AUTS2: variants seen among roughly 807,000 people sequenced by gnomAD.
The protein encoded by AUTS2 is autism susceptibility gene 2 protein.
AUTS2 carries 17 observed loss-of-function variants against 112.4 expected under a neutral mutation model. The ratio of observed to expected loss-of-function variants is 0.15; its 90% CI spans 0.10 to 0.23. The LOEUF (loss-of-function observed/expected upper bound fraction) is 0.23. Among genes scored for constraint, AUTS2 ranks in the 10% least tolerant of loss-of-function variants. AUTS2 has a pLI of 1.00. For missense variants in AUTS2, 1,510 were observed against 1,701.6 expected (o/e 0.89, Z 1.98); for synonymous variants, 751 against 702.7 (o/e 1.07, Z -1.09).
chr7:70,559,798 A>C (rs1801403082), intron 5 of AUTS2, among the ~76,000 whole-genome samples: 1 of 151,910 alleles, frequency 6.6e-6, no homozygotes, highest in African/African-American at 2.4e-5. Flanking sequence ...TCTTTCCTTT[A>C]TCCACCTCTG....
chr7:70,116,877 G>A (rs1184335471), intron 2 of AUTS2, among the ~76,000 whole-genome samples: 1 of 151,986 alleles, frequency 6.6e-6, no homozygotes, highest in Non-Finnish European at 1.5e-5. Context: ...TTGTTATATT[G>A]GAAACATTGT....
At chr7:70,419,811 T>A (rs1795140499) in intron 4 of AUTS2, among the ~76,000 whole-genome samples, 1 of 152,222 alleles carries the variant, frequency 6.6e-6, no homozygotes, top group Admixed American at 6.5e-5. Flanking sequence ...CTAATTTGAT[T>A]GATGAAGAGA....
intron 5 of AUTS2, among the ~76,000 whole-genome samples, chr7:70,595,925 G>C (rs948067648): frequency 1.3e-5 from 2 of 152,088 alleles, no homozygotes; most frequent in Non-Finnish European, 2.9e-5. Flanking sequence ...CCCGTGCCTT[G>C]CCGGGATGGC....
intron 1 of AUTS2, among the ~76,000 whole-genome samples, chr7:69,878,277 G>A (rs1200956361): frequency 2.0e-5 from 3 of 152,122 alleles, no homozygotes; most frequent in African/African-American, 7.2e-5. Flanking sequence ...TAAGGTGGAG[G>A]GAGCGGGGAG....
At chr7:69,737,401 G>A (rs1787079682) in intron 1 of AUTS2, among the ~76,000 whole-genome samples, 1 of 152,120 alleles carries the variant, frequency 6.6e-6, no homozygotes, top group Admixed American at 6.5e-5. Context: ...AGAGAGGTTA[G>A]ATAACTTGCT....
At chr7:70,141,836 C>T (rs1806881198) in intron 4 of AUTS2, among the ~76,000 whole-genome samples, 1 of 152,172 alleles carries the variant, frequency 6.6e-6, no homozygotes, top group Non-Finnish European at 1.5e-5. Flanking sequence ...ATGAACAGTA[C>T]AAGTTAAACT....
intron 6 of AUTS2, among the ~76,000 whole-genome samples, chr7:70,762,004 C>T (rs1789593814): frequency 1.3e-5 from 2 of 152,094 alleles, no homozygotes; most frequent in South Asian, 4.2e-4. Context: ...AAGAGACCTG[C>T]CTTTTCACTT....
intron 4 of AUTS2, among the ~76,000 whole-genome samples, chr7:70,384,663 TG>T (rs1265448028): frequency 6.6e-6 from 1 of 152,216 alleles, no homozygotes; most frequent in East Asian, 1.9e-4. Context: ...TGCTCTGGAC[TG>T]CTGGCAAAAG....
At chr7:69,949,546 T>TAA (rs1273628427) in intron 2 of AUTS2, among the ~76,000 whole-genome samples, 2 of 152,252 alleles carry the variant, frequency 1.3e-5, no homozygotes, top group Non-Finnish European at 2.9e-5. Flanking sequence ...TAAACTACAT[T>TAA]AAAAGATTTA....
At chr7:69,925,289 G>C (rs1795965164) in intron 2 of AUTS2, among the ~76,000 whole-genome samples, 1 of 151,882 alleles carries the variant, frequency 6.6e-6, no homozygotes, top group Non-Finnish European at 1.5e-5. Context: ...GCTTACTTTA[G>C]TTTTACTTTG....
chr7:69,599,528 C>A lies in AUTS2; in HGVS notation c.-126C>A. ...TCCCTTCTTTCGGCCGCCGTCTCCC[C>A]CGCGCCCTCCTCGGGGCGGAGGGAA... On this transcript the variant is annotated 5_prime_UTR_variant, in exon 1 of 19. Coordinates refer to ENST00000342771, the MANE Select transcript of AUTS2 (RefSeq NM_015570.4). The surrounding 1 kb of genome is among the most constrained non-coding windows in gnomAD (Gnocchi z 7.0). 1.1e-6 allele frequency: 1 copy of A among 918,574 alleles called. No individual in the cohort carries two copies. Among genetic ancestry groups the A allele is most frequent in the Non-Finnish European group, 1.4e-6 (1 of 707,464 alleles). 56.9% of individuals were successfully genotyped at this position (918,574 alleles called of 1,614,324 possible).
At chr7:69,666,297 A>G (rs1312295430) in intron 1 of AUTS2, among the ~76,000 whole-genome samples, 1 of 152,240 alleles carries the variant, frequency 6.6e-6, no homozygotes, top group Non-Finnish European at 1.5e-5. Context: ...TAGTGAATGA[A>G]TGAATACTAT....
At chr7:70,642,991 G>C (rs567770987) in intron 5 of AUTS2, among the ~76,000 whole-genome samples, 2 of 152,320 alleles carry the variant, frequency 1.3e-5, no homozygotes, top group African/African-American at 4.8e-5. Flanking sequence ...CATGTGAAAT[G>C]TTACGACCAC....
intron 1 of AUTS2, among the ~76,000 whole-genome samples, chr7:69,844,365 A>G (rs1792105921): frequency 1.3e-5 from 2 of 152,212 alleles, no homozygotes; most frequent in Non-Finnish European, 2.9e-5. Flanking sequence ...TAAATTAAAC[A>G]GACACATGCA....
intron 1 of AUTS2, among the ~76,000 whole-genome samples, chr7:69,750,857 A>G (rs897085035): frequency 1.3e-5 from 2 of 152,072 alleles, no homozygotes; most frequent in African/African-American, 4.8e-5. Context: ...TCTTACTGAA[A>G]TTAGGGGAGT....
intron 2 of AUTS2, among the ~76,000 whole-genome samples, chr7:70,094,706 C>A (rs1804099243): frequency 6.6e-6 from 1 of 152,010 alleles, no homozygotes; most frequent in Non-Finnish European, 1.5e-5. Context: ...ATCCTCAGAC[C>A]CTGCCAACAA....
At chr7:69,994,685 T>TTTC (rs1263978392) in intron 2 of AUTS2, among the ~76,000 whole-genome samples, 1 of 152,212 alleles carries the variant, frequency 6.6e-6, no homozygotes, top group East Asian at 1.9e-4. Context: ...GGGTAACAGA[T>TTTC]TATCTGCTAT....
chr7:70,053,544 G>GGTTTTTTTTTTTTTTTTTTTTTTTTTTT, intron 2 of AUTS2, among the ~76,000 whole-genome samples: 1 of 127,836 alleles, frequency 7.8e-6, no homozygotes, highest in Middle Eastern at 4.2e-3. Flanking sequence ...GTTTTGGGTG[G>GGTTTTTTTTTTTTTTTTTTTTTTTTTTT]TTTTTTTTTT....
At chr7:69,622,166 A>G (rs935801731) in intron 1 of AUTS2, among the ~76,000 whole-genome samples, 1 of 152,002 alleles carries the variant, frequency 6.6e-6, no homozygotes, top group African/African-American at 2.4e-5. Context: ...TCCTTGGCTA[A>G]TGCTTTGTTT....
Sources: allele counts gnomAD v4.1 joint callset (sites outside exome capture counted in the v4.1 genomes callset), GRCh38; gene constraint gnomAD v4.1.1; non-coding constraint Gnocchi (gnomAD v3.1); transcripts MANE v1.5; gene names NCBI Gene and HGNC (gene_info 2026-07-23, HGNC 2026-07-21).